The following ZNF763 variants were observed in gnomAD, a reference collection of about 807,000 sequenced individuals.
ZNF763 encodes the protein zinc finger protein 763, also known as DNA-binding protein.
ZNF763 carries 33 observed loss-of-function variants against 38.0 expected under a neutral mutation model. That is an observed-to-expected ratio of 0.87 (90% CI 0.66 to 1.16). The LOEUF (loss-of-function observed/expected upper bound fraction) is 1.16, where lower values mean the gene tolerates loss of function less well. Among genes scored for constraint, ZNF763 ranks in the 50% most tolerant of loss-of-function variants. ZNF763 has a pLI of 0.00. For synonymous variants in ZNF763, 155 were observed against 160.1 expected, an observed-to-expected ratio of 0.97 and a Z score of 0.24; for missense variants, 423 against 469.1, an observed-to-expected ratio of 0.90 and a Z score of 0.91.
intron 3 of ZNF763, 31 bp from the exon 4 acceptor site, chr19:11,978,085 C>A: frequency 1.3e-6 from 2 of 1,598,408 alleles, no homozygotes; most frequent in Non-Finnish European, 1.7e-6. Context: ...TACTCATAAA[C>A]CCTTCATAAT....
chr19:11,967,506 G>A (rs925056875), intron 1 of ZNF763, among the ~76,000 whole-genome samples: 16 of 151,940 alleles, frequency 1.1e-4, no homozygotes, highest in Non-Finnish European at 2.1e-4. Flanking sequence ...CCGGGTTCAC[G>A]CCATTCTCCT....
intron 1 of ZNF763, among the ~76,000 whole-genome samples, chr19:11,966,084 C>T (rs1295251896): frequency 1.3e-5 from 2 of 152,154 alleles, no homozygotes; most frequent in Non-Finnish European, 2.9e-5. Context: ...ACCTGTTTCT[C>T]GAGATTTTAT....
rs1185354303 is a variant in ZNF763, at chr19:11,974,147, TTTCTTTCTTTCC to T, written c.4-2887_4-2876del. ...TTTCTTTTCTTTCTTTCTTTCTTTC[TTTCTTTCTTTCC>T]TTCCTTCCTTCCTTCCTTCTTTCTT... On this transcript the variant is annotated intron_variant, in intron 1 of 3. Transcript: ENST00000358987. Among the ~76,000 whole-genome samples, 489 of 122,786 alleles carry T rather than the reference TTTCTTTCTTTCC, an allele frequency of 4.0e-3. 8 individuals are homozygous for T. The highest frequency in any genetic ancestry group is 0.018 in the African/African-American group (457 of 24,848). The allele number at this position is 122,786 out of a possible 152,430, so 80.6% of individuals were successfully genotyped here.
rs1297098528 is a variant in ZNF763, at chr19:11,968,566, CT to C, written c.3+3361del. On this transcript the variant is annotated intron_variant, in intron 1 of 3. Transcript: ENST00000358987. ...TAACAACTTAATTTGTAGTGGTTTG[CT>C]TTTTTCCCCCAGAGCTTGTTTTCTT... is the stretch of plus-strand genomic sequence containing the variant. 3.3e-5 allele frequency among the ~76,000 whole-genome samples: 5 copies of C among 152,254 alleles called. No homozygotes were observed. In the East Asian group the frequency reaches 9.6e-4, roughly 29 times the overall value.
At chr19:11,975,386 AT>A (rs34441299) in intron 1 of ZNF763, among the ~76,000 whole-genome samples, 5,310 of 132,676 alleles carry the variant, frequency 0.04, 332 homozygotes, top group African/African-American at 0.14. Context: ...GATGTTATTG[AT>A]TTTTTTTTTT....
chr19:11,975,037 G>A (rs1437229536), intron 1 of ZNF763, among the ~76,000 whole-genome samples: 1 of 152,078 alleles, frequency 6.6e-6, no homozygotes, highest in Non-Finnish European at 1.5e-5. Context: ...ATTGTGTTCT[G>A]CCTTTTGCAA....
At chr19:11,965,688 T>C (rs748224818) in intron 1 of ZNF763, among the ~76,000 whole-genome samples, 19 of 152,218 alleles carry the variant, frequency 1.2e-4, no homozygotes, top group Non-Finnish European at 2.8e-4. Context: ...TCCTGGCTTG[T>C]GGTTTGTCAA....
At chr19:11,972,996 A>G (rs904017896) in intron 1 of ZNF763, among the ~76,000 whole-genome samples, 3 of 152,222 alleles carry the variant, frequency 2.0e-5, no homozygotes, top group Non-Finnish European at 4.4e-5. Flanking sequence ...GCAAGAATAT[A>G]TTACATGTGA....
Position 11,979,810 on chromosome 19 carries a change from T to A in ZNF763, c.*701T>A, listed in dbSNP as rs552961197. 3.2e-6 allele frequency: 5 copies of A among 1,572,714 alleles called. No individual in the cohort carries two copies. The African/African-American group carries it at 4.1e-5, about 13-fold the overall frequency. ...AGAAACCCTATGAGTGTAAGGAATG[T>A]GGGAAAGCCTTCAGATCTGCCAAGA... is the stretch of plus-strand genomic sequence containing the variant. On this transcript the variant is annotated 3_prime_UTR_variant, in exon 4 of 4. Transcript: ENST00000358987.
intron 1 of ZNF763, among the ~76,000 whole-genome samples, chr19:11,966,326 C>G (rs1027367471): frequency 6.6e-6 from 1 of 152,118 alleles, no homozygotes; most frequent in African/African-American, 2.4e-5. Context: ...TTTGGGGGTT[C>G]CCTTGGCCAA....
chr19:11,977,385 G>A lies in ZNF763; in HGVS notation c.145G>A (p.Asp49Asn). The A allele has an allele frequency of 6.2e-7, 1 of 1,613,976 alleles. No individual in the cohort carries two copies. The highest frequency in any genetic ancestry group is 1.1e-5 in the South Asian group (1 of 91,054). Residue 49 changes from aspartate (D) to asparagine (N), a missense_variant, in exon 3 of 4, where the codon GAC becomes AAC. Physicochemically the swap from Asp to Asn is conservative, Grantham distance 23. Transcript: ENST00000358987. ...CTGTATTTTAGGGAAAAAGTGGAAAGACCAGAACATTGAATATGAGTACCA... is the reference window on the plus strand; with the variant it reads ...CTGTATTTTAGGGAAAAAGTGGAAAAACCAGAACATTGAATATGAGTACCA... ...NLTSIGKKWK[D>N]QNIEYEYQNP... is the part of the protein sequence containing the mutation.
chr19:11,980,001 A>T lies in ZNF763; in HGVS notation c.*892A>T. 2.6e-6 allele frequency: 3 copies of T among 1,166,124 alleles called. No homozygotes were observed. Among genetic ancestry groups the T allele is most frequent in the Non-Finnish European group, 3.8e-6 (3 of 788,336 alleles). The allele number at this position is 1,166,124 out of a possible 1,614,324, so 72.2% of individuals were successfully genotyped here. ...CCCTATGAGTGTAAGCAATGTGGGA[A>T]AGCCTTTATTTCTTTCACTTCTTTT... On this transcript the variant is annotated 3_prime_UTR_variant, in exon 4 of 4. Coordinates refer to ENST00000358987, the MANE Select transcript of ZNF763 (RefSeq NM_001367172.2).
intron 1 of ZNF763, among the ~76,000 whole-genome samples, chr19:11,975,726 G>A (rs1973476077): frequency 6.6e-6 from 1 of 152,186 alleles, no homozygotes; most frequent in Admixed American, 6.5e-5. Flanking sequence ...CCCATTGTAT[G>A]TGTATGCTTA....
At position 11,980,324 on chromosome 19, in the gene ZNF763, T is replaced by G. The variant is rs1365940255; in HGVS notation, c.*1215T>G. ...TGAATCTGGGGGGCAGAGGTTGCAG[T>G]GAGCCAAGATTGTGCCATTGCACTC... On this transcript the variant is annotated 3_prime_UTR_variant, in exon 4 of 4. Transcript: ENST00000358987. 2 of 216,570 alleles carry G rather than the reference T, an allele frequency of 9.2e-6. No individual in the cohort carries two copies. Among genetic ancestry groups the G allele is most frequent in the Non-Finnish European group, 1.8e-5 (2 of 113,516 alleles). The allele number at this position is 216,570 out of a possible 1,614,324, so 13.4% of individuals were successfully genotyped here. A position where few individuals can be genotyped will look rare whatever the true frequency, so the allele number is the denominator to read the frequency against.
chr19:11,965,480 G>C (rs1973207582), intron 1 of ZNF763, among the ~76,000 whole-genome samples: 1 of 152,226 alleles, frequency 6.6e-6, no homozygotes. Flanking sequence ...GCAGCCCCGC[G>C]TCTCCCCAGA....
chr19:11,970,065 A>G (rs749983236), intron 1 of ZNF763, among the ~76,000 whole-genome samples: 2 of 152,128 alleles, frequency 1.3e-5, no homozygotes, highest in Admixed American at 1.3e-4. Context: ...ATGGTGGAGG[A>G]GATGCCTGGT....
At chr19:11,974,065 TTTCTTTTC>T (rs1973406910) in intron 1 of ZNF763, among the ~76,000 whole-genome samples, 1 of 140,770 alleles carries the variant, frequency 7.1e-6, no homozygotes, top group Admixed American at 7.1e-5. Flanking sequence ...TCTTTCCTTC[TTTCTTTTC>T]TTTCTTTCTT....
intron 1 of ZNF763, among the ~76,000 whole-genome samples, chr19:11,973,956 G>T (rs1041169525): frequency 2.0e-5 from 3 of 152,104 alleles, no homozygotes; most frequent in Non-Finnish European, 4.4e-5. Flanking sequence ...CCATAGTGAA[G>T]GAGAGTTCAC....
intron 1 of ZNF763, 64 bp downstream of exon 1, chr19:11,965,275 G>C: frequency 6.2e-7 from 1 of 1,609,476 alleles, no homozygotes; most frequent in Non-Finnish European, 8.5e-7. Flanking sequence ...GCCGGAACCG[G>C]CTGCGGCGGG....
Sources: allele counts gnomAD v4.1 joint callset (sites outside exome capture counted in the v4.1 genomes callset), GRCh38; gene constraint gnomAD v4.1.1; transcripts MANE v1.5; gene names NCBI Gene and HGNC (gene_info 2026-07-23, HGNC 2026-07-21).